Variants in PLOD1 observed in about 807,000 individuals in gnomAD.
PLOD1 encodes procollagen-lysine,2-oxoglutarate 5-dioxygenase 1, also known as lysine hydroxylase.
A neutral mutation model predicts 94.7 loss-of-function variants in PLOD1; 70 were observed. That is an observed-to-expected ratio of 0.74 (90% CI 0.61 to 0.90). The LOEUF (loss-of-function observed/expected upper bound fraction) is 0.90. Among genes scored for constraint, PLOD1 ranks in the 40% least tolerant of loss-of-function variants. The probability of loss-of-function intolerance (pLI) is 0.00; values close to 1 mark genes in which losing one functional copy is unlikely to be tolerated. For synonymous variants in PLOD1, 417 were observed against 400.2 expected, an observed-to-expected ratio of 1.04 and a Z score of -0.50; for missense variants, 905 against 972.7, an observed-to-expected ratio of 0.93 and a Z score of 0.93.
rs777937910 is a variant in PLOD1 at position 11,970,694 on chromosome 1, G to T, written c.1780G>T (p.Glu594Ter). 6.2e-7 allele frequency: 1 copy of T among 1,613,214 alleles called. No individual in the cohort carries two copies. Residue 594 changes from glutamate (E) to a stop codon, truncating the protein, a stop_gained, in exon 17 of 19, where the codon GAG becomes TAG. Transcript: ENST00000196061. LOFTEE classifies it high-confidence loss of function. ...NKDNRIQGGYENVPTIDIHMN... is the reference protein window; with the variant it reads ...NKDNRIQGGY ...GGACAACCGCATCCAGGGTGGCTAC[G>T]AGAACGTGCCGACTATTGACATCCA... is the stretch of plus-strand genomic sequence containing the variant.
chr1:11,973,033 A>G lies in PLOD1; in HGVS notation c.2028+36A>G, dbSNP rs112548405. ...GCCAGCCGGGGTCAAGGGGCCGGCA[A>G]TGGGGATGAGGAGGGCTAGCTGAGG... On this transcript the variant is annotated intron_variant, in intron 18 of 18. Coordinates refer to ENST00000196061, the MANE Select transcript of PLOD1 (RefSeq NM_000302.4). 3.6e-4 allele frequency: 580 copies of G among 1,612,224 alleles called. 5 individuals are homozygous for G. The African/African-American group carries it at 6.0e-3, about 17-fold the overall frequency.
intron 16 of PLOD1, among the ~76,000 whole-genome samples, chr1:11,969,177 A>T: frequency 6.6e-6 from 1 of 150,520 alleles, no homozygotes; most frequent in South Asian, 2.1e-4. Context: ...TAGTAGAGAC[A>T]GGGGTTTCAC....
chr1:11,947,128 G>T (rs1569680017), intron 1 of PLOD1, among the ~76,000 whole-genome samples: 2 of 152,056 alleles, frequency 1.3e-5, no homozygotes, highest in African/African-American at 4.8e-5. Flanking sequence ...AATTAGCTGG[G>T]CATGGTGGCG....
chr1:11,960,859 A>G, intron 10 of PLOD1, 92 bp downstream of exon 10: 1 of 1,579,196 alleles, frequency 6.3e-7, no homozygotes, highest in Non-Finnish European at 8.6e-7. Flanking sequence ...ACAGGAGTTC[A>G]GAAGGCTGTG....
Position 11,949,774 on chromosome 1 carries a change from C to G in PLOD1, c.170C>G (p.Ala57Gly), listed in dbSNP as rs753862253. The G allele has an allele frequency of 7.4e-6, 12 of 1,613,766 alleles. No homozygotes were observed. The East Asian group carries it at 1.8e-4, about 24-fold the overall frequency. The part of the protein sequence containing the change: ...SAQFFNYKIQ[A>G]LGLGEDWNVE... ...GTGTTAAGGGGTGTTTCTCTCCAGG[C>G]GCTTGGCCTAGGGGAGGACTGGAAT... The change falls in exon 3 of 19, where the codon GCG becomes GGG. Residue 57 changes from alanine to glycine, a missense_variant and splice_region_variant. By Grantham distance (60) the Ala-to-Gly change is moderately conservative. Transcript: ENST00000196061.
rs1645714066 is a variant in PLOD1 at position 11,953,003 on chromosome 1, G to A, written c.579+268G>A. Among the ~76,000 whole-genome samples, 2 of 152,188 alleles carry A rather than the reference G, an allele frequency of 1.3e-5. 1 individual carries two copies. The highest frequency in any genetic ancestry group is 4.1e-4 in the South Asian group (2 of 4,834). On this transcript the variant is annotated intron_variant, in intron 5 of 18. Transcript: ENST00000196061. ...CAGCTGACTTCTCTCTGTGTCCTCA[G>A]ATGGTGGAAGGGGGTAGGGAGCTCA...
chr1:11,962,457 T>G (rs1003115261), intron 10 of PLOD1, among the ~76,000 whole-genome samples: 1 of 151,372 alleles, frequency 6.6e-6, no homozygotes, highest in Non-Finnish European at 1.5e-5. Context: ...TTTGTATTTT[T>G]AGTAGAGACG....
chr1:11,951,770 T>A (rs1645704347), intron 4 of PLOD1, among the ~76,000 whole-genome samples: 1 of 147,860 alleles, frequency 6.8e-6, no homozygotes, highest in Admixed American at 6.8e-5. Flanking sequence ...ATACAAAAAA[T>A]TAGCCAGGTG....
chr1:11,944,755 G>A (rs1464551809), intron 1 of PLOD1: 21 of 974,750 alleles, frequency 2.2e-5, no homozygotes, highest in African/African-American at 7.0e-5. Context: ...CTGCTGGGCC[G>A]CCTGGCGCCA....
intron 15 of PLOD1, 107 bp from the exon 16 acceptor site, chr1:11,966,880 C>T (rs1183596955): frequency 3.2e-5 from 25 of 788,754 alleles, no homozygotes; most frequent in East Asian, 7.3e-5. Context: ...CCCTGCTCCC[C>T]GGGGACACTG....
chr1:11,965,191 C>T (rs193009442), intron 13 of PLOD1, among the ~76,000 whole-genome samples: 6 of 151,750 alleles, frequency 4.0e-5, no homozygotes, highest in African/African-American at 1.5e-4. Flanking sequence ...TGAAGTTTTC[C>T]CCTGTGACCA....
chr1:11,964,575 C>A, intron 12 of PLOD1, 69 bp from the exon 13 acceptor site: 2 of 1,512,318 alleles, frequency 1.3e-6, no homozygotes, highest in Non-Finnish European at 9.2e-7. Context: ...CCCACCACCA[C>A]CCTGTGACCC....
At chr1:11,964,901 G>A in intron 13 of PLOD1, 116 bp downstream of exon 13, 1 of 1,165,928 alleles carries the variant, frequency 8.6e-7, no homozygotes, top group South Asian at 1.3e-5. Context: ...GGGAGCTCCA[G>A]AGATTCTAGC....
In PLOD1 at chr1:11,970,730, A is replaced by T. The variant is rs758904956; in HGVS notation, c.1816A>T (p.Ile606Phe). The T allele has an allele frequency of 6.2e-7, 1 of 1,612,656 alleles. No homozygotes were observed. Among genetic ancestry groups the T allele is most frequent in the South Asian group, 1.1e-5 (1 of 91,036 alleles). ...GACTATTGACATCCACATGAACCAGATCGGCTTTGAGCGGGAGTGGCACAA... is the reference window on the plus strand; with the variant it reads ...GACTATTGACATCCACATGAACCAGTTCGGCTTTGAGCGGGAGTGGCACAA... ...VPTIDIHMNQ[I>F]GFEREWHKFL... Residue 606 changes from isoleucine to phenylalanine, a missense_variant, in exon 17 of 19, where the codon ATC (isoleucine) becomes TTC (phenylalanine). Transcript: ENST00000196061.
At chr1:11,964,903 G>T (rs1645805189) in intron 13 of PLOD1, 118 bp downstream of exon 13, 2 of 1,129,886 alleles carry the variant, frequency 1.8e-6, no homozygotes, top group Admixed American at 3.9e-5. Context: ...GAGCTCCAGA[G>T]ATTCTAGCAG....
intron 16 of PLOD1, among the ~76,000 whole-genome samples, chr1:11,967,583 A>G (rs1375343458): frequency 1.1e-4 from 12 of 105,438 alleles, no homozygotes; most frequent in Admixed American, 2.7e-4. Flanking sequence ...TTTTCTTTTC[A>G]TGTGTGTGTG....
In PLOD1 at chr1:11,960,632, A is replaced by G. The variant is rs1441970136; in HGVS notation, c.976-14A>G. ...TCCTCACCCCCGCATCCCCTTCCCC[A>G]TCCCCAACCCCAGGAGCAGCACCAC... On this transcript the variant is annotated splice_polypyrimidine_tract_variant and intron_variant, in intron 9 of 18. Transcript: ENST00000196061. 7.5e-7 allele frequency: 1 copy of G among 1,335,058 alleles called. No individual in the cohort carries two copies. The highest frequency in any genetic ancestry group is 1.4e-5 in the African/African-American group (1 of 69,204). The allele number at this position is 1,335,058 out of a possible 1,614,324, so 82.7% of individuals were successfully genotyped here. A position where few individuals can be genotyped will look rare whatever the true frequency, so the allele number is the denominator to read the frequency against.
At position 11,964,163 on chromosome 1, in the gene PLOD1, CCCTT is replaced by C. The variant is rs1263192343; in HGVS notation, c.1203-9_1203-6del. On this transcript the variant is annotated splice_polypyrimidine_tract_variant and splice_region_variant and intron_variant, in intron 11 of 18. Coordinates refer to ENST00000196061, the MANE Select transcript of PLOD1 (RefSeq NM_000302.4). ...GGCAGCGACCTCCTACTGAGGTGCT[CCCTT>C]CCCTCAGGAACGTCATTGCCCCGCT... The C allele has an allele frequency of 1.2e-6, 2 of 1,613,570 alleles. No individual in the cohort carries two copies. Among genetic ancestry groups the C allele is most frequent in the Admixed American group, 3.3e-5 (2 of 60,018 alleles).
Position 11,963,748 on chromosome 1 carries a change from T to C in PLOD1, c.1202+112T>C. On this transcript the variant is annotated intron_variant, in intron 11 of 18. Coordinates refer to ENST00000196061, the MANE Select transcript of PLOD1 (RefSeq NM_000302.4). The surrounding 1 kb of genome is among the most constrained non-coding windows in gnomAD (Gnocchi z 4.3). ...CTCATCCACCTCCTCTTCCTCCTCT[T>C]TTTCCTTCTCCTGCTCCTCTTTCTC... 2.8e-6 allele frequency: 2 copies of C among 723,448 alleles called. No homozygotes were observed. Among genetic ancestry groups the C allele is most frequent in the East Asian group, 2.7e-5 (1 of 37,452 alleles). The allele number at this position is 723,448 out of a possible 1,614,324, so 44.8% of individuals were successfully genotyped here.
Sources: allele counts gnomAD v4.1 joint callset (sites outside exome capture counted in the v4.1 genomes callset), GRCh38; gene constraint gnomAD v4.1.1; non-coding constraint Gnocchi (gnomAD v3.1); transcripts MANE v1.5; gene names NCBI Gene and HGNC (gene_info 2026-07-23, HGNC 2026-07-21).